Variants in IQSEC1 observed in about 807,000 individuals in gnomAD.
IQSEC1 encodes IQ motif and Sec7 domain ArfGEF 1.
Under a neutral mutation model 91.0 loss-of-function variants are expected in IQSEC1, and 31 were observed. The observed-to-expected ratio is 0.34, with a 90% CI of 0.26 to 0.46. IQSEC1 has a LOEUF of 0.46. Among genes scored for constraint, IQSEC1 ranks in the 20% least tolerant of loss-of-function variants. IQSEC1 has a pLI of 1.00. For missense variants in IQSEC1, 1,388 were observed against 1,575.6 expected (o/e 0.88, Z 2.02); for synonymous variants, 699 against 662.6 (o/e 1.05, Z -0.84).
intron 1 of IQSEC1, among the ~76,000 whole-genome samples, chr3:13,040,451 C>G (rs867784898): frequency 2.0e-5 from 3 of 152,250 alleles, no homozygotes; most frequent in Non-Finnish European, 2.9e-5. Context: ...AGCACAGGCT[C>G]TGAGTAAGAA....
chr3:13,175,553 C>T (rs1163659616), intron 1 of IQSEC1, among the ~76,000 whole-genome samples: 1 of 152,258 alleles, frequency 6.6e-6, no homozygotes, highest in East Asian at 1.9e-4. Context: ...CTCCTCCTTT[C>T]AACCAGTGGG....
At chr3:12,985,173 C>G (rs1341913290) in intron 1 of IQSEC1, among the ~76,000 whole-genome samples, 1 of 152,222 alleles carries the variant, frequency 6.6e-6, no homozygotes, top group African/African-American at 2.4e-5. Context: ...AAGACTGCAT[C>G]CCTACATCAC....
In IQSEC1 at chr3:13,280,929, C is replaced by A. The variant is rs1049509987; in HGVS notation, c.272+1782G>T. Among the ~76,000 whole-genome samples the A allele has an allele frequency of 5.8e-4, 89 of 152,262 alleles. 1 individual carries two copies. Among genetic ancestry groups the A allele is most frequent in the Admixed American group, 7.8e-4 (12 of 15,292 alleles). Reference sequence around the variant, plus strand: ...ACTTCTGAAACAAAATCCCAGCCTTCCCATCCCGGCTTCCCGGCCAAGGCG... The same window carrying A: ...ACTTCTGAAACAAAATCCCAGCCTTACCATCCCGGCTTCCCGGCCAAGGCG... On this transcript the variant is annotated intron_variant, in intron 1 of 15. Coordinates refer to the IQSEC1 transcript ENST00000648114.
chr3:13,274,666 G>A (rs1695646676), intron 1 of IQSEC1, among the ~76,000 whole-genome samples: 1 of 152,214 alleles, frequency 6.6e-6, no homozygotes, highest in African/African-American at 2.4e-5. Flanking sequence ...AGCTCAGCAA[G>A]TGTTCATCTC....
Position 12,924,754 on chromosome 3 carries a change from C to A in IQSEC1, c.1569-12G>T, listed in dbSNP as rs77774458. 1.3e-6 allele frequency: 2 copies of A among 1,550,602 alleles called. No homozygotes were observed. The highest frequency in any genetic ancestry group is 1.8e-6 in the Non-Finnish European group (2 of 1,142,356). ...CCTTCTCAGGCTTCCTGGGGTAGGA[C>A]GAGAGGCACACTCAGTCCCAGCTGC... is the stretch of plus-strand genomic sequence containing the variant. On this transcript the variant is annotated splice_polypyrimidine_tract_variant and intron_variant, in intron 3 of 13. Coordinates refer to ENST00000613206, the MANE Select transcript of IQSEC1 (RefSeq NM_001134382.3). The surrounding 1 kb of genome is among the most constrained non-coding windows in gnomAD (Gnocchi z 6.3).
rs564012524 is a variant in IQSEC1 at position 12,940,116 on chromosome 3, T to C, written c.318+1455A>G. 7.2e-5 allele frequency among the ~76,000 whole-genome samples: 11 copies of C among 152,290 alleles called. No individual in the cohort carries two copies. Among genetic ancestry groups the C allele is most frequent in the Admixed American group, 4.6e-4 (7 of 15,300 alleles). ...TGTTTAAATGGCTCTGTTGCAGACA[T>C]CTCTTACTATAAACCGTGGTCCACT... is the stretch of plus-strand genomic sequence containing the variant. On this transcript the variant is annotated intron_variant, in intron 2 of 13. Transcript: ENST00000613206. The surrounding 1 kb of genome is among the most constrained non-coding windows in gnomAD (Gnocchi z 4.4).
chr3:12,970,851 G>C lies in IQSEC1; in HGVS notation c.24-28986C>G, dbSNP rs1194632887. ...ACCTGCTTGCTTATACCAGTGAGCT[G>C]TATTCCAACTGCCAGGGCTGGTTCT... is the stretch of plus-strand genomic sequence containing the variant. On this transcript the variant is annotated intron_variant, in intron 1 of 13. Coordinates refer to ENST00000613206, the MANE Select transcript of IQSEC1 (RefSeq NM_001134382.3). The surrounding 1 kb of genome is among the most constrained non-coding windows in gnomAD (Gnocchi z 4.4). Among the ~76,000 whole-genome samples the C allele has an allele frequency of 6.6e-6, 1 of 152,220 alleles. No homozygotes were observed.
chr3:12,908,990 G>T lies in IQSEC1; in HGVS notation c.2578+283C>A, dbSNP rs545733367. Reference sequence around the variant, plus strand: ...AAGATGACGAGGTGCAGAGAGGCCAGCTGGGAACTCTGCGGGCTCTTGCGC... The same window carrying T: ...AAGATGACGAGGTGCAGAGAGGCCATCTGGGAACTCTGCGGGCTCTTGCGC... On this transcript the variant is annotated intron_variant, in intron 11 of 13. Transcript: ENST00000613206. The surrounding 1 kb of genome is among the most constrained non-coding windows in gnomAD (Gnocchi z 4.9). 6.6e-6 allele frequency among the ~76,000 whole-genome samples: 1 copy of T among 152,296 alleles called. No homozygotes were observed. Among genetic ancestry groups the T allele is most frequent in the South Asian group, 2.1e-4 (1 of 4,822 alleles).
chr3:13,084,980 A>C (rs978897951), intron 2 of IQSEC1, among the ~76,000 whole-genome samples: 3 of 151,964 alleles, frequency 2.0e-5, no homozygotes, highest in African/African-American at 7.2e-5. Context: ...GTGGGGGGGC[A>C]ATTCTAGCCC....
intron 1 of IQSEC1, among the ~76,000 whole-genome samples, chr3:13,240,916 G>A (rs961690429): frequency 2.6e-5 from 4 of 152,214 alleles, no homozygotes; most frequent in African/African-American, 9.6e-5. Flanking sequence ...ACAGTCATTT[G>A]TTAACGTAGT....
At chr3:13,145,805 G>GGA (rs1491167350) in intron 2 of IQSEC1, among the ~76,000 whole-genome samples, 1 of 12,472 alleles carries the variant, frequency 8.0e-5, no homozygotes, top group African/African-American at 3.5e-4. Flanking sequence ...GCCCGGGGGC[G>GGA]GGGGGGGGGG....
At chr3:12,918,363 C>T (rs1407729879) in intron 6 of IQSEC1, among the ~76,000 whole-genome samples, 1 of 152,196 alleles carries the variant, frequency 6.6e-6, no homozygotes, top group African/African-American at 2.4e-5. Context: ...TGGACAGGAC[C>T]CACAGAGCCA....
Position 13,259,775 on chromosome 3 carries a change from T to C in IQSEC1, c.272+22936A>G, listed in dbSNP as rs1559288340. On this transcript the variant is annotated intron_variant, in intron 1 of 15. Transcript: ENST00000648114. This position sits in a 1 kb window ranked among gnomAD's most constrained non-coding sequence, Gnocchi z 4.6. The stretch of plus-strand genomic sequence containing the variant: ...GCTTCCACCTCTGGTCATCCACAGA[T>C]GCCACAAGGGGATGCAAGCCATGCA... Among the ~76,000 whole-genome samples, 1 of 152,200 alleles carries C rather than the reference T, an allele frequency of 6.6e-6. No individual in the cohort carries two copies. The highest frequency in any genetic ancestry group is 1.5e-5 in the Non-Finnish European group (1 of 68,032).
intron 1 of IQSEC1, among the ~76,000 whole-genome samples, chr3:13,017,619 G>C (rs4684897): frequency 0.35 from 53,780 of 152,070 alleles, 10,257 homozygotes; most frequent in East Asian, 0.69. Flanking sequence ...TAGCTGGCTG[G>C]ATGTGGGAAT....
chr3:13,126,004 G>T (rs752227036), intron 2 of IQSEC1, among the ~76,000 whole-genome samples: 1 of 152,180 alleles, frequency 6.6e-6, no homozygotes, highest in Non-Finnish European at 1.5e-5. Flanking sequence ...ATATTAAAGG[G>T]AAACTTTCAT....
At chr3:13,096,696 C>A (rs1422941025) in intron 2 of IQSEC1, among the ~76,000 whole-genome samples, 13 of 152,162 alleles carry the variant, frequency 8.5e-5, no homozygotes, top group Admixed American at 8.5e-4. Flanking sequence ...AAGGGCAGCA[C>A]AGTCCCAGCC....
intron 1 of IQSEC1, among the ~76,000 whole-genome samples, chr3:13,179,433 T>C (rs1179375038): frequency 2.6e-5 from 4 of 152,226 alleles, no homozygotes; most frequent in Non-Finnish European, 4.4e-5. Context: ...GGAATGACCA[T>C]GGAATGAAAA....
chr3:13,074,083 A>T (rs535029212), upstream of IQSEC1, among the ~76,000 whole-genome samples: 21 of 152,292 alleles, frequency 1.4e-4, no homozygotes, highest in African/African-American at 5.1e-4. Context: ...GTCTAAGGGG[A>T]AGCCAGGAAG....
At chr3:13,117,569 CAAAAA>C (rs34002295) in intron 2 of IQSEC1, among the ~76,000 whole-genome samples, 2 of 9,446 alleles carry the variant, frequency 2.1e-4, no homozygotes, top group African/African-American at 8.5e-4. Flanking sequence ...GACTCCGTCT[CAAAAA>C]AAAAAAAAAA....
Sources: gnomAD v4.1 joint callset for allele counts (sites outside exome capture counted in the v4.1 genomes callset) on GRCh38, gnomAD v4.1.1 for gene constraint, Gnocchi (gnomAD v3.1) non-coding constraint, MANE v1.5 for transcripts, NCBI Gene and HGNC (gene_info 2026-07-23, HGNC 2026-07-21) for gene names.